The following LTB4R variants were observed in gnomAD, a reference collection of about 807,000 sequenced individuals.
LTB4R encodes the protein leukotriene B4 receptor 1.
For synonymous variants in LTB4R, 250 were observed against 230.7 expected (o/e 1.08, Z -0.76); for missense variants, 470 against 485.6 (o/e 0.97, Z 0.30).
rs746014196 is a variant in LTB4R, at chr14:24,315,726, G to A, written c.75G>A (p.Leu25=). 2 of 1,614,236 alleles carry A rather than the reference G, an allele frequency of 1.2e-6. No homozygotes were observed. The highest frequency in any genetic ancestry group is 2.2e-5 in the South Asian group (2 of 91,084). Residue 25 remains leucine, a synonymous_variant, in exon 2 of 2, where the codon CTG becomes CTA. Coordinates refer to ENST00000345363, the MANE Select transcript of LTB4R (RefSeq NM_001143919.3). ...TCTCTCTGCTGGCTATCATCCTGCT[G>A]TCAGTGGCGCTGGCTGTGGGGCTTC... ...EFISLLAIIL[L]SVALAVGLPG... is the part of the protein sequence containing the mutation.
At chr14:24,314,764 T>C (rs2041754405) in intron 1 of LTB4R, 1 of 153,212 alleles carries the variant, frequency 6.5e-6, no homozygotes, top group South Asian at 2.0e-4. Flanking sequence ...CCTCCTGCCT[T>C]CTGGGTTGCC....
rs774931023 is a variant in LTB4R, at chr14:24,311,513, C to T, written c.-307C>T. On this transcript the variant is annotated 5_prime_UTR_variant, in exon 1 of 2. Transcript: ENST00000345363. ...CCTTGGCCTTCTTCAGTTCTAGCGT[C>T]AACCCGGTGCTCTACGTCTTCACCG... 5 of 1,602,910 alleles carry T rather than the reference C, an allele frequency of 3.1e-6. No individual in the cohort carries two copies. The South Asian group carries it at 4.4e-5, about 14-fold the overall frequency.
chr14:24,316,793 T>C lies in LTB4R; in HGVS notation c.*83T>C, dbSNP rs1224071916. 2.1e-6 allele frequency: 2 copies of C among 973,676 alleles called. No homozygotes were observed. Among genetic ancestry groups the C allele is most frequent in the African/African-American group, 3.8e-5 (2 of 52,328 alleles). The allele number at this position is 973,676 out of a possible 1,614,324, so 60.3% of individuals were successfully genotyped here. Reference sequence around the variant, plus strand: ...AGTACCTGGAGGAGGAGCAGGGGCGTGGAGGGCGTGGAGGGCGTGGGAGCG... The same window carrying C: ...AGTACCTGGAGGAGGAGCAGGGGCGCGGAGGGCGTGGAGGGCGTGGGAGCG... On this transcript the variant is annotated 3_prime_UTR_variant, in exon 2 of 2. Coordinates refer to ENST00000345363, the MANE Select transcript of LTB4R (RefSeq NM_001143919.3).
intron 1 of LTB4R, among the ~76,000 whole-genome samples, chr14:24,315,385 G>T (rs745923129): frequency 4.1e-4 from 62 of 152,240 alleles, no homozygotes; most frequent in Non-Finnish European, 7.4e-4. Context: ...CTGCTGCTGT[G>T]GTCACTGTAT....
chr14:24,312,257 A>T (rs1466502415), intron 1 of LTB4R, among the ~76,000 whole-genome samples: 1 of 152,234 alleles, frequency 6.6e-6, no homozygotes, highest in Admixed American at 6.5e-5. Flanking sequence ...GGGAGCTTGG[A>T]TGAGGGGTAG....
chr14:24,316,014 C>T lies in LTB4R; in HGVS notation c.363C>T (p.Arg121=). Residue 121 remains arginine (R), a synonymous_variant, in exon 2 of 2, where the codon CGC becomes CGT. Coordinates refer to ENST00000345363, the MANE Select transcript of LTB4R (RefSeq NM_001143919.3). ...TAGACCGCTCACTGGCGGTGGCCCGCCCCTTTGTGTCCCAGAAGCTACGCA... is the reference window on the plus strand; with the variant it reads ...TAGACCGCTCACTGGCGGTGGCCCGTCCCTTTGTGTCCCAGAAGCTACGCA... ...MSLDRSLAVA[R]PFVSQKLRTK... is the part of the protein sequence containing the mutation. The T allele has an allele frequency of 6.2e-7, 1 of 1,613,890 alleles. No individual in the cohort carries two copies. The highest frequency in any genetic ancestry group is 1.6e-4 in the Middle Eastern group (1 of 6,062).
In LTB4R at chr14:24,315,668, C is replaced by T. The variant is rs368316312; in HGVS notation, c.17C>T (p.Ser6Phe). The T allele has an allele frequency of 5.0e-6, 8 of 1,613,678 alleles. No individual in the cohort carries two copies. Among genetic ancestry groups the T allele is most frequent in the African/African-American group, 2.7e-5 (2 of 74,940 alleles). Residue 6 changes from serine to phenylalanine, a missense_variant, in exon 2 of 2, where the codon TCT becomes TTT. Coordinates refer to ENST00000345363, the MANE Select transcript of LTB4R (RefSeq NM_001143919.3). MNTTSSAAPPSLGVEF... is the reference protein window; with the variant it reads MNTTSFAAPPSLGVEF... The stretch of plus-strand genomic sequence containing the variant: ...CCGACGGCCATGAACACTACATCTT[C>T]TGCAGCACCCCCCTCACTAGGTGTA...
In LTB4R at chr14:24,316,577, G is replaced by A; in HGVS notation, c.926G>A (p.Gly309Asp). Reference protein sequence around the residue: ...GFVAKLLEGTGSEASSTRRGG... With the variant: ...GFVAKLLEGTDSEASSTRRGG... ...GTCGCCAAGCTGCTGGAGGGCACGG[G>A]CTCCGAGGCGTCCAGCACGCGCCGC... The change falls in exon 2 of 2, where the codon GGC becomes GAC. Residue 309 changes from glycine to aspartate, a missense_variant. Physicochemically the swap from Gly to Asp is moderately conservative, Grantham distance 94. Coordinates refer to ENST00000345363, the MANE Select transcript of LTB4R (RefSeq NM_001143919.3). 6.9e-7 allele frequency: 1 copy of A among 1,444,040 alleles called. No homozygotes were observed. The highest frequency in any genetic ancestry group is 9.0e-7 in the Non-Finnish European group (1 of 1,106,102). The allele number at this position is 1,444,040 out of a possible 1,614,324, so 89.5% of individuals were successfully genotyped here.
chr14:24,316,607 G>T lies in LTB4R; in HGVS notation c.956G>T (p.Gly319Val). The T allele has an allele frequency of 6.8e-7, 1 of 1,470,188 alleles. No individual in the cohort carries two copies. The highest frequency in any genetic ancestry group is 9.0e-7 in the Non-Finnish European group (1 of 1,116,822). 91.1% of individuals were successfully genotyped at this position (1,470,188 alleles called of 1,614,324 possible). Residue 319 changes from glycine (G) to valine (V), a missense_variant, in exon 2 of 2, where the codon GGC becomes GTC. By Grantham distance (109) the Gly-to-Val change is moderately radical. Transcript: ENST00000345363. Reference protein sequence around the residue: ...GSEASSTRRGGSLGQTARSGP... With the variant: ...GSEASSTRRGVSLGQTARSGP... ...GAGGCGTCCAGCACGCGCCGCGGGG[G>T]CAGCCTGGGCCAGACCGCTAGGAGC...
rs199950899 is a variant in LTB4R, at chr14:24,311,545, A to G, written c.-275A>G. ...GTGCTCTACGTCTTCACCGCTGGAG[A>G]TCTGCTGCCCCGGGCAGGTCCCCGT... On this transcript the variant is annotated 5_prime_UTR_variant, in exon 1 of 2. Transcript: ENST00000345363. 1,710 of 1,606,882 alleles carry G rather than the reference A, an allele frequency of 1.1e-3. 6 individuals carry two copies. Among genetic ancestry groups the G allele is most frequent in the South Asian group, 4.1e-3 (374 of 91,080 alleles).
Position 24,316,684 on chromosome 14 carries a change from C to T in LTB4R, c.1033C>T (p.Pro345Ser). 1 of 1,538,864 alleles carries T rather than the reference C, an allele frequency of 6.5e-7. No homozygotes were observed. Among genetic ancestry groups the T allele is most frequent in the Non-Finnish European group, 8.7e-7 (1 of 1,143,314 alleles). Residue 345 changes from proline to serine, a missense_variant, in exon 2 of 2, where the codon CCT (proline) becomes TCT (serine). Physicochemically the swap from Pro to Ser is moderately conservative, Grantham distance 74. Transcript: ENST00000345363. ...GPSESLTASS[P>S]LKLNELN ...TTCCGAGAGCCTCACTGCCTCCAGC[C>T]CTCTCAAGTTAAACGAACTGAACTA... is the stretch of plus-strand genomic sequence containing the variant.
Position 24,316,410 on chromosome 14 carries a change from C to T in LTB4R, c.759C>T (p.Ala253=). The change falls in exon 2 of 2, where the codon GCC becomes GCT. Residue 253 remains alanine, a synonymous_variant. Coordinates refer to ENST00000345363, the MANE Select transcript of LTB4R (RefSeq NM_001143919.3). ...CGGGCCGCGCGCTGGCCGGCCAGGC[C>T]GCCGGGTTAGGGCTCGTGGGGAAGC... ...AEAGRALAGQ[A]AGLGLVGKRL... The T allele has an allele frequency of 6.3e-7, 1 of 1,579,070 alleles. No individual in the cohort carries two copies. The highest frequency in any genetic ancestry group is 8.6e-7 in the Non-Finnish European group (1 of 1,166,990).
chr14:24,316,730 A>T lies in LTB4R; in HGVS notation c.*20A>T, dbSNP rs1041144853. 1 of 1,489,866 alleles carries T rather than the reference A, an allele frequency of 6.7e-7. No homozygotes were observed. The highest frequency in any genetic ancestry group is 1.5e-5 in the African/African-American group (1 of 68,242). The allele number at this position is 1,489,866 out of a possible 1,614,324, so 92.3% of individuals were successfully genotyped here. ...AACTAGGCCTGGTGGAAGGAGGCGCACTTTCCTCCTGGCAGAATGCTAGCT... is the reference window on the plus strand; with the variant it reads ...AACTAGGCCTGGTGGAAGGAGGCGCTCTTTCCTCCTGGCAGAATGCTAGCT... On this transcript the variant is annotated 3_prime_UTR_variant, in exon 2 of 2. Transcript: ENST00000345363.
intron 1 of LTB4R, among the ~76,000 whole-genome samples, chr14:24,312,225 G>A (rs72694350): frequency 5.4e-4 from 83 of 152,350 alleles, no homozygotes; most frequent in Non-Finnish European, 1.0e-3. Flanking sequence ...GGAAATAAAG[G>A]AGAAAATGGA....
At chr14:24,312,648 C>T (rs2041728715) in intron 1 of LTB4R, among the ~76,000 whole-genome samples, 1 of 152,220 alleles carries the variant, frequency 6.6e-6, no homozygotes, top group Non-Finnish European at 1.5e-5. Context: ...TGGGCTCCTT[C>T]TAAGATGCTG....
Position 24,316,485 on chromosome 14 carries a change from C to G in LTB4R, c.834C>G (p.Ser278Arg), listed in dbSNP as rs867687139. 1 of 1,555,668 alleles carries G rather than the reference C, an allele frequency of 6.4e-7. No individual in the cohort carries two copies. The highest frequency in any genetic ancestry group is 2.4e-5 in the East Asian group (1 of 41,844). Residue 278 changes from serine to arginine, a missense_variant, in exon 2 of 2, where the codon AGC becomes AGG. By Grantham distance (110) the Ser-to-Arg change is moderately radical. Coordinates refer to ENST00000345363, the MANE Select transcript of LTB4R (RefSeq NM_001143919.3). ...TCATCGCACTCGCCTTCCTGAGCAG[C>G]AGCGTGAACCCCGTGCTGTACGCGT... ...NVLIALAFLS[S>R]SVNPVLYACA...
Position 24,311,526 on chromosome 14 carries a change from T to C in LTB4R, c.-294T>C, listed in dbSNP as rs2041705683. On this transcript the variant is annotated 5_prime_UTR_variant, in exon 1 of 2. Coordinates refer to ENST00000345363, the MANE Select transcript of LTB4R (RefSeq NM_001143919.3). ...CAGTTCTAGCGTCAACCCGGTGCTC[T>C]ACGTCTTCACCGCTGGAGATCTGCT... 4 of 1,604,318 alleles carry C rather than the reference T, an allele frequency of 2.5e-6. No individual in the cohort carries two copies. The highest frequency in any genetic ancestry group is 1.7e-5 in the Admixed American group (1 of 60,030).
In LTB4R at chr14:24,311,820, C is replaced by T; in HGVS notation, c.-16+16C>T. 1.6e-6 allele frequency: 2 copies of T among 1,275,192 alleles called. No homozygotes were observed. The highest frequency in any genetic ancestry group is 4.4e-4 in the Middle Eastern group (2 of 4,528). The allele number at this position is 1,275,192 out of a possible 1,614,324, so 79.0% of individuals were successfully genotyped here. ...CCCTCCAGAGGTCAGTGTTCTGGGA[C>T]ATTTGGGGACCCTTCTTTGACTAGA... On this transcript the variant is annotated intron_variant, in intron 1 of 1. Transcript: ENST00000345363.
At position 24,316,456 on chromosome 14, in the gene LTB4R, G is replaced by A. The variant is rs776826117; in HGVS notation, c.805G>A (p.Val269Met). ...VGKRLSLARN[V>M]LIALAFLSSS... ...GAAGCGGCTGAGCCTGGCCCGCAAC[G>A]TGCTCATCGCACTCGCCTTCCTGAG... The change falls in exon 2 of 2, where the codon GTG becomes ATG. Residue 269 changes from valine to methionine, a missense_variant. Physicochemically the swap from Val to Met is conservative, Grantham distance 21. Coordinates refer to ENST00000345363, the MANE Select transcript of LTB4R (RefSeq NM_001143919.3). The A allele has an allele frequency of 6.4e-7, 1 of 1,568,096 alleles. No individual in the cohort carries two copies. Among genetic ancestry groups the A allele is most frequent in the East Asian group, 2.3e-5 (1 of 42,778 alleles).
Sources: allele counts gnomAD v4.1 joint callset (sites outside exome capture counted in the v4.1 genomes callset), GRCh38; gene constraint gnomAD v4.1.1; transcripts MANE v1.5; gene names NCBI Gene and HGNC (gene_info 2026-07-23, HGNC 2026-07-21).